CNIH3: variants seen among roughly 807,000 people sequenced by gnomAD.
The protein encoded by CNIH3 is cornichon family AMPA receptor auxiliary protein 3.
CNIH3 carries 14 observed loss-of-function variants against 24.1 expected under a neutral mutation model. That is an observed-to-expected ratio of 0.58 (90% CI 0.38 to 0.91). The LOEUF (loss-of-function observed/expected upper bound fraction) is 0.91. Among genes scored for constraint, CNIH3 ranks in the 40% least tolerant of loss-of-function variants. The probability of loss-of-function intolerance (pLI) is 0.00; values close to 1 mark genes in which losing one functional copy is unlikely to be tolerated. For missense variants in CNIH3, 178 were observed against 196.8 expected, an observed-to-expected ratio of 0.90 and a Z score of 0.57; for synonymous variants, 68 against 73.8, an observed-to-expected ratio of 0.92 and a Z score of 0.40.
At chr1:224,677,297 G>T (rs915017699) in intron 1 of CNIH3, among the ~76,000 whole-genome samples, 1 of 152,182 alleles carries the variant, frequency 6.6e-6, no homozygotes, top group African/African-American at 2.4e-5. Flanking sequence ...TCACACTGTA[G>T]CACAGTGGCC....
chr1:224,558,213 C>A (rs1363403031), intron 3 of CNIH3, among the ~76,000 whole-genome samples: 1 of 152,134 alleles, frequency 6.6e-6, no homozygotes, highest in African/African-American at 2.4e-5. Context: ...TGCTGGCTAT[C>A]AGCTGGACCT....
intron 1 of CNIH3, among the ~76,000 whole-genome samples, chr1:224,500,179 A>ATT (rs532888387): frequency 1.4e-5 from 2 of 145,418 alleles, no homozygotes; most frequent in African/African-American, 5.0e-5. Context: ...AATTAAAACA[A>ATT]TTTTTTTTTT....
intron 3 of CNIH3, among the ~76,000 whole-genome samples, chr1:224,598,171 A>C (rs1430197466): frequency 1.3e-5 from 2 of 152,226 alleles, no homozygotes; most frequent in African/African-American, 4.8e-5. Flanking sequence ...AATTTGGAAG[A>C]AGTTGATTGC....
downstream of CNIH3, among the ~76,000 whole-genome samples, chr1:224,591,243 C>T (rs1207787749): frequency 9.8e-5 from 15 of 152,308 alleles, no homozygotes; most frequent in Non-Finnish European, 2.1e-4. Flanking sequence ...TAAAGTTTCT[C>T]CTCTATTCCA....
rs56066127 is a variant in CNIH3 at position 224,562,020 on chromosome 1, C to T, written n.451-4179C>T. 7.3e-3 allele frequency among the ~76,000 whole-genome samples: 1,082 copies of T among 148,612 alleles called. 9 individuals carry two copies. The highest frequency in any genetic ancestry group is 0.013 in the Non-Finnish European group (860 of 68,000). ...GGGGTGGAGTTGAAGACACCTCCAA[C>T]ATTGAGACTTGATCACCATGTCACT... is the stretch of plus-strand genomic sequence containing the variant. On this transcript the variant is annotated intron_variant and non_coding_transcript_variant, in intron 3 of 5. Coordinates refer to the CNIH3 transcript ENST00000471578.
At chr1:224,612,343 G>C (rs1037788559), upstream of CNIH3, among the ~76,000 whole-genome samples, 1 of 152,080 alleles carries the variant, frequency 6.6e-6, no homozygotes, top group Non-Finnish European at 1.5e-5. This position sits in a 1 kb window ranked among gnomAD's most constrained non-coding sequence, Gnocchi z 4.7. Context: ...TCTTAATCTT[G>C]AGGAGGTGGC....
intron 1 of CNIH3, among the ~76,000 whole-genome samples, chr1:224,516,674 T>G (rs1433586344): frequency 6.6e-6 from 1 of 152,236 alleles, no homozygotes; most frequent in Non-Finnish European, 1.5e-5. Context: ...CCAGACAGCC[T>G]GGCCCCTGCA....
At chr1:224,638,004 C>T (rs761045992) in intron 1 of CNIH3, among the ~76,000 whole-genome samples, 32 of 152,250 alleles carry the variant, frequency 2.1e-4, no homozygotes, top group Middle Eastern at 3.2e-3. Context: ...TGGGCATTTC[C>T]TGTTTATAAT....
exon 1 of CNIH3, chr1:224,434,736 T>A: frequency 1.0e-6 from 1 of 986,250 alleles, no homozygotes; most frequent in Non-Finnish European, 1.2e-6. Context: ...GCCGCCTCTG[T>A]CCTCGGATCC....
intron 3 of CNIH3, among the ~76,000 whole-genome samples, chr1:224,702,583 A>G (rs1302927403): frequency 6.6e-6 from 1 of 152,162 alleles, no homozygotes; most frequent in Non-Finnish European, 1.5e-5. Context: ...GTAGATGCAG[A>G]ATTGAGCAGT....
rs1239377432 is a variant in CNIH3, at chr1:224,684,782, G to A, written c.151-14G>A. On this transcript the variant is annotated splice_polypyrimidine_tract_variant and intron_variant, in intron 2 of 5. Coordinates refer to ENST00000272133, the MANE Select transcript of CNIH3 (RefSeq NM_152495.2). The surrounding 1 kb of genome is among the most constrained non-coding windows in gnomAD (Gnocchi z 4.2). ...TAACCTCCCCTCTCATTTCTTTCTT[G>A]TGCATCCTGATAGAGGGAACGGTTG... The A allele has an allele frequency of 1.2e-6, 2 of 1,613,256 alleles. No individual in the cohort carries two copies. Among genetic ancestry groups the A allele is most frequent in the Non-Finnish European group, 1.7e-6 (2 of 1,179,334 alleles).
chr1:224,436,122 G>A (rs1484288114), intron 1 of CNIH3, among the ~76,000 whole-genome samples: 1 of 152,114 alleles, frequency 6.6e-6, no homozygotes, highest in Non-Finnish European at 1.5e-5. Context: ...ATCTTACAGG[G>A]ATTTGGTTTT....
chr1:224,518,867 G>T lies in CNIH3; in HGVS notation n.16-2133G>T, dbSNP rs138441537. Among the ~76,000 whole-genome samples the T allele has an allele frequency of 3.1e-3, 470 of 152,272 alleles. 2 individuals carry two copies. Among genetic ancestry groups the T allele is most frequent in the Middle Eastern group, 0.031 (9 of 294 alleles). ...TAGTCCTCCTTTTGCTTCATATGGA[G>T]GAATAGTGGTTACAAACAGGTTTTC... On this transcript the variant is annotated intron_variant and non_coding_transcript_variant, in intron 1 of 2. Transcript: ENST00000470602.
At position 224,585,725 on chromosome 1, in the gene CNIH3, T is replaced by C. The variant is rs568515258; in HGVS notation, n.620+2458T>C. Among the ~76,000 whole-genome samples the C allele has an allele frequency of 6.6e-5, 10 of 152,044 alleles. No homozygotes were observed. In the South Asian group the frequency reaches 2.1e-3, roughly 32 times the overall value. The stretch of plus-strand genomic sequence containing the variant: ...GTTTTGAACTCCTGGGCTCAAGTGA[T>C]CCTCCCACTTTGGCCTTTCAAAGTG... On this transcript the variant is annotated intron_variant and non_coding_transcript_variant, in intron 5 of 5. Transcript: ENST00000471578.
At chr1:224,442,429 C>G (rs1367822607) in intron 1 of CNIH3, among the ~76,000 whole-genome samples, 1 of 152,160 alleles carries the variant, frequency 6.6e-6, no homozygotes, top group African/African-American at 2.4e-5. Context: ...TTCTCTGTCC[C>G]CAGATTATTG....
chr1:224,603,755 C>T (rs967991448), intron 3 of CNIH3, among the ~76,000 whole-genome samples: 9 of 152,028 alleles, frequency 5.9e-5, no homozygotes, highest in East Asian at 1.9e-4. Context: ...GACGCTTGCA[C>T]GGTGTAAAGG....
chr1:224,513,507 A>G (rs966189733), upstream of CNIH3, among the ~76,000 whole-genome samples: 33 of 151,992 alleles, frequency 2.2e-4, no homozygotes, highest in Middle Eastern at 3.4e-3. Flanking sequence ...AATGATTGCA[A>G]TGCCCGAGCC....
chr1:224,497,115 T>A (rs1265901760), intron 1 of CNIH3, among the ~76,000 whole-genome samples: 1 of 152,184 alleles, frequency 6.6e-6, no homozygotes, highest in Non-Finnish European at 1.5e-5. Flanking sequence ...AAGAAGCCAG[T>A]CACAAAAAAA....
rs1008575148 is a variant in CNIH3, at chr1:224,546,947, A to G, written n.450+8A>G. 22 of 979,528 alleles carry G rather than the reference A, an allele frequency of 2.2e-5. No homozygotes were observed. In the African/African-American group the frequency reaches 3.5e-4, roughly 16 times the overall value. The allele number at this position is 979,528 out of a possible 1,614,324, so 60.7% of individuals were successfully genotyped here. On this transcript the variant is annotated splice_region_variant and intron_variant and non_coding_transcript_variant, in intron 3 of 5. Transcript: ENST00000471578. ...ACAAAGACTGTGACTATGGTAAGCC[A>G]GAAACAAGACACTCAACCACTGAAT...
Sources: gnomAD v4.1 joint callset for allele counts (sites outside exome capture counted in the v4.1 genomes callset) on GRCh38, gnomAD v4.1.1 for gene constraint, Gnocchi (gnomAD v3.1) non-coding constraint, MANE v1.5 for transcripts, NCBI Gene and HGNC (gene_info 2026-07-23, HGNC 2026-07-21) for gene names.